PLCH1: variants seen among roughly 807,000 people sequenced by gnomAD.
PLCH1 encodes the protein 1-phosphatidylinositol 4,5-bisphosphate phosphodiesterase eta-1.
In PLCH1, 60 loss-of-function variants were observed where a neutral mutation model predicts 126.7. The observed-to-expected ratio is 0.47, with a 90% confidence interval of 0.38 to 0.59. The LOEUF (loss-of-function observed/expected upper bound fraction) is 0.59, where lower values mean the gene tolerates loss of function less well. Among genes scored for constraint, PLCH1 ranks in the 20% least tolerant of loss-of-function variants. PLCH1 has a pLI of 0.00. For synonymous variants in PLCH1, 719 were observed against 734.9 expected (o/e 0.98, Z 0.35); for missense variants, 1,723 against 2,040.0 (o/e 0.84, Z 2.99).
intron 8 of PLCH1, among the ~76,000 whole-genome samples, chr3:155,557,824 A>G (rs1727033208): frequency 6.6e-6 from 1 of 152,160 alleles, no homozygotes; most frequent in African/African-American, 2.4e-5. Context: ...AGCTTTTCAT[A>G]ATGGAGCTTA....
intron 12 of PLCH1, among the ~76,000 whole-genome samples, chr3:155,510,932 A>T (rs1272966891): frequency 1.8e-5 from 2 of 112,174 alleles, no homozygotes; most frequent in Admixed American, 9.0e-5. Context: ...GTTCTCCTGG[A>T]TAATATCCTG....
chr3:155,709,692 A>T lies in PLCH1; in HGVS notation c.-40-5428T>A, dbSNP rs71310443. 1.2e-3 allele frequency among the ~76,000 whole-genome samples: 181 copies of T among 152,160 alleles called. 1 individual carries two copies. The highest frequency in any genetic ancestry group is 2.2e-3 in the Non-Finnish European group (150 of 67,988). On this transcript the variant is annotated intron_variant, in intron 1 of 22. Transcript: ENST00000460012. The stretch of plus-strand genomic sequence containing the variant: ...AGTACAGTGGCATAATCAAGGCTCA[A>T]CTGCAGCCTCGACCTCCAGGGCTCA...
At chr3:155,568,162 AC>A in intron 7 of PLCH1, 68 bp downstream of exon 7, 1 of 712,048 alleles carries the variant, frequency 1.4e-6, no homozygotes, top group Non-Finnish European at 2.5e-6. Context: ...TTTCCTAAAA[AC>A]TTTTGCTGGA....
intron 2 of PLCH1, among the ~76,000 whole-genome samples, chr3:155,639,125 T>C (rs1168523183): frequency 6.6e-6 from 1 of 152,106 alleles, no homozygotes; most frequent in Non-Finnish European, 1.5e-5. Context: ...ATATACCACC[T>C]TGTTGGAAAG....
At chr3:155,621,037 C>T (rs1006983883) in intron 2 of PLCH1, among the ~76,000 whole-genome samples, 1 of 152,112 alleles carries the variant, frequency 6.6e-6, no homozygotes, top group Non-Finnish European at 1.5e-5. Flanking sequence ...GGCGGGTGCC[C>T]CTCTGGGACA....
chr3:155,679,564 A>C (rs1744349679), intron 2 of PLCH1, among the ~76,000 whole-genome samples: 1 of 152,166 alleles, frequency 6.6e-6, no homozygotes, highest in African/African-American at 2.4e-5. Context: ...TGTTCTATAC[A>C]ACCCTCCCCC....
intron 21 of PLCH1, among the ~76,000 whole-genome samples, chr3:155,474,313 A>C (rs1394242470): frequency 1.3e-5 from 2 of 149,036 alleles, no homozygotes; most frequent in African/African-American, 2.5e-5. Context: ...GCAGCCAAAA[A>C]ACACATGAAA....
chr3:155,537,224 A>G, intron 10 of PLCH1, among the ~76,000 whole-genome samples: 1 of 10,166 alleles, frequency 9.8e-5, no homozygotes, highest in African/African-American at 1.5e-4. Context: ...AAAAAAAAAA[A>G]AAAAAAAAAC....
At chr3:155,483,605 T>C (rs538661424) in intron 22 of PLCH1, among the ~76,000 whole-genome samples, 1 of 152,346 alleles carries the variant, frequency 6.6e-6, no homozygotes, top group Admixed American at 6.5e-5. Flanking sequence ...AATAAATGCA[T>C]TAAAATATCA....
intron 2 of PLCH1, among the ~76,000 whole-genome samples, chr3:155,699,178 C>T (rs1211130376): frequency 6.6e-6 from 1 of 151,748 alleles, no homozygotes; most frequent in Admixed American, 6.6e-5. Flanking sequence ...CAGGTTCAAA[C>T]GACTCTCTTG....
At chr3:155,543,204 G>T (rs1055455033) in intron 10 of PLCH1, among the ~76,000 whole-genome samples, 4 of 152,304 alleles carry the variant, frequency 2.6e-5, no homozygotes, top group African/African-American at 9.6e-5. Context: ...GGAGCCGATG[G>T]AGCTGAAAGC....
intron 2 of PLCH1, among the ~76,000 whole-genome samples, chr3:155,681,693 T>G (rs2109016243): frequency 6.6e-6 from 1 of 152,300 alleles, no homozygotes; most frequent in Admixed American, 6.5e-5. Flanking sequence ...TGCTATAAGT[T>G]ATATATCAAA....
chr3:155,482,906 G>A lies in PLCH1; in HGVS notation c.3120C>T (p.His1040=). 1 of 1,614,168 alleles carries A rather than the reference G, an allele frequency of 6.2e-7. No homozygotes were observed. Among genetic ancestry groups the A allele is most frequent in the Non-Finnish European group, 8.5e-7 (1 of 1,180,004 alleles). ...SQGDTIVSTA[H]MSVTGEQLGM... ...CCAGCTGTTCTCCTGTGACTGACAT[G>A]TGGGCAGTAGATACAATGGTGTCCC... The change falls in exon 23 of 23, where the codon CAC becomes CAT. Residue 1040 remains histidine, a synonymous_variant. Transcript: ENST00000460012.
intron 1 of PLCH1, among the ~76,000 whole-genome samples, chr3:155,737,017 C>T (rs989514619): frequency 9.2e-5 from 14 of 151,856 alleles, no homozygotes; most frequent in African/African-American, 3.4e-4. Flanking sequence ...ATTGCCTGAG[C>T]TCAGGAGTTC....
At chr3:155,533,956 G>A (rs1723014204) in intron 10 of PLCH1, among the ~76,000 whole-genome samples, 2 of 152,136 alleles carry the variant, frequency 1.3e-5, no homozygotes, top group Non-Finnish European at 2.9e-5. Context: ...AGATTTCAAA[G>A]GATGTATGGA....
intron 1 of PLCH1, among the ~76,000 whole-genome samples, chr3:155,734,772 A>G (rs1283958973): frequency 1.3e-5 from 2 of 149,312 alleles, no homozygotes; most frequent in East Asian, 3.9e-4. Flanking sequence ...GCAGTGGTGC[A>G]ATCTCGGCTC....
At chr3:155,633,991 G>A (rs1176245411) in intron 2 of PLCH1, among the ~76,000 whole-genome samples, 1 of 151,960 alleles carries the variant, frequency 6.6e-6, no homozygotes, top group Non-Finnish European at 1.5e-5. Context: ...AGGTATTATA[G>A]GCTGCAATCC....
intron 2 of PLCH1, among the ~76,000 whole-genome samples, chr3:155,669,008 T>G (rs564202193): frequency 5.2e-4 from 79 of 152,318 alleles, no homozygotes; most frequent in African/African-American, 1.9e-3. Flanking sequence ...ATGGTGTAAC[T>G]CCTTTCTGTT....
At chr3:155,536,494 TA>T (rs1723374264) in intron 10 of PLCH1, among the ~76,000 whole-genome samples, 2 of 152,016 alleles carry the variant, frequency 1.3e-5, no homozygotes, top group Admixed American at 1.3e-4. Flanking sequence ...TCACAACTTC[TA>T]AAAATAAAAG....
Sources: gnomAD v4.1 joint callset for allele counts (sites outside exome capture counted in the v4.1 genomes callset) on GRCh38, gnomAD v4.1.1 for gene constraint, MANE v1.5 for transcripts, NCBI Gene and HGNC (gene_info 2026-07-23, HGNC 2026-07-21) for gene names.